The following RRP1B variants were observed in gnomAD, a reference collection of about 807,000 sequenced individuals.
RRP1B encodes the protein ribosomal RNA processing protein 1 homolog B.
RRP1B carries 56 observed loss-of-function variants against 80.2 expected under a neutral mutation model. The ratio of observed to expected loss-of-function variants is 0.70; its 90% confidence interval spans 0.56 to 0.87. The LOEUF is 0.87. Ranked by LOEUF, RRP1B falls within the 40% of genes least tolerant of loss-of-function variation. The pLI, the probability that RRP1B is intolerant of heterozygous loss-of-function variation, is 0.00. For missense variants in RRP1B, 807 were observed against 939.8 expected (o/e 0.86, Z 1.85); for synonymous variants, 351 against 357.6 (o/e 0.98, Z 0.21).
chr21:43,687,016 CT>C, intron 12 of RRP1B, 81 bp downstream of exon 12: 2 of 1,453,764 alleles, frequency 1.4e-6, no homozygotes, highest in Non-Finnish European at 1.9e-6. Flanking sequence ...GAGACTTGAG[CT>C]CGTGCCGTCA....
At chr21:43,670,020 A>G in intron 2 of RRP1B, 54 bp downstream of exon 2, 1 of 1,305,250 alleles carries the variant, frequency 7.7e-7, no homozygotes, top group Non-Finnish European at 1.1e-6. Flanking sequence ...GATGGATAAG[A>G]GACTTGATCA....
At chr21:43,674,916 C>T (rs892825527) in intron 5 of RRP1B, 118 bp from the exon 6 acceptor site, 76 of 1,360,218 alleles carry the variant, frequency 5.6e-5, no homozygotes, top group Non-Finnish European at 7.2e-5. Flanking sequence ...AAAATGATTT[C>T]AGCCTTGCAT....
chr21:43,687,202 C>T (rs561269976), intron 12 of RRP1B, among the ~76,000 whole-genome samples: 8 of 152,156 alleles, frequency 5.3e-5, no homozygotes, highest in South Asian at 4.1e-4. Flanking sequence ...CACTGGGGGG[C>T]GGCTGTTTGA....
Position 43,694,294 on chromosome 21 carries a change from G to A in RRP1B, c.*911G>A, listed in dbSNP as rs1271895378. ...GGCTGCCTGCGCATCTGGAGCCTGC[G>A]CTCCGGCTCAGCGACCTTTCCTCTC... On this transcript the variant is annotated 3_prime_UTR_variant, in exon 16 of 16. Transcript: ENST00000340648. The A allele has an allele frequency of 1.3e-5, 2 of 152,268 alleles. No homozygotes were observed. The highest frequency in any genetic ancestry group is 1.3e-4 in the Admixed American group (2 of 15,292). The allele number at this position is 152,268 out of a possible 1,614,324, so 9.4% of individuals were successfully genotyped here.
chr21:43,670,894 C>G (rs976363888), intron 2 of RRP1B, among the ~76,000 whole-genome samples: 1 of 152,214 alleles, frequency 6.6e-6, no homozygotes, highest in African/African-American at 2.4e-5. Flanking sequence ...CTTGCCACTT[C>G]TCCCGTGCTG....
rs759718325 is a variant in RRP1B, at chr21:43,673,852, G to C, written c.272-18G>C. On this transcript the variant is annotated intron_variant, in intron 3 of 15. Transcript: ENST00000340648. ...TTGATGTGGAAGCCAAGTATTTAGA[G>C]CCTTTTGTTCACTGCAGAACACCTG... 6.3e-7 allele frequency: 1 copy of C among 1,587,396 alleles called. No homozygotes were observed. Among genetic ancestry groups the C allele is most frequent in the South Asian group, 1.1e-5 (1 of 89,572 alleles).
chr21:43,665,933 C>T (rs755814136), intron 1 of RRP1B, among the ~76,000 whole-genome samples: 2 of 152,194 alleles, frequency 1.3e-5, no homozygotes, highest in East Asian at 3.8e-4. Context: ...ACTGGAAGTG[C>T]AGGAGCATTA....
At chr21:43,672,412 C>A in intron 3 of RRP1B, 47 bp downstream of exon 3, 2 of 1,503,312 alleles carry the variant, frequency 1.3e-6, no homozygotes, top group Non-Finnish European at 1.9e-6. Context: ...TTCCGACTTG[C>A]TAGTTTAATG....
rs746323090 is a variant in RRP1B at position 43,690,432 on chromosome 21, G to T, written c.2011G>T (p.Ala671Ser). 6 of 1,614,000 alleles carry T rather than the reference G, an allele frequency of 3.7e-6. No individual in the cohort carries two copies. In the Admixed American group the frequency reaches 1.0e-4, roughly 27 times the overall value. ...SSTATHPPGP[A>S]VQLNKTPSSS... ...CACTGCCACCCACCCTCCAGGCCCT[G>T]CCGTCCAGGTACGCACCCTCCCCAG... Residue 671 changes from alanine to serine, a missense_variant, in exon 14 of 16, where the codon GCC becomes TCC. Transcript: ENST00000340648.
rs1233981382 is a variant in RRP1B at position 43,695,446 on chromosome 21, G to A, written c.*2063G>A. ...AAACCATGCCTGAGAGGTCCCGGCT[G>A]GGAGTGACAGGGTGCTTCTTAGATT... is the stretch of plus-strand genomic sequence containing the variant. On this transcript the variant is annotated 3_prime_UTR_variant, in exon 16 of 16. Transcript: ENST00000340648. The A allele has an allele frequency of 1.3e-5, 2 of 152,184 alleles. No individual in the cohort carries two copies. The highest frequency in any genetic ancestry group is 2.9e-5 in the Non-Finnish European group (2 of 68,040). The allele number at this position is 152,184 out of a possible 1,614,324, so 9.4% of individuals were successfully genotyped here.
intron 11 of RRP1B, 140 bp from the exon 12 acceptor site, chr21:43,686,663 AG>A (rs1274044829): frequency 1.1e-6 from 1 of 910,670 alleles, no homozygotes; most frequent in Admixed American, 2.7e-5. Flanking sequence ...TTCCTGTGTC[AG>A]CAGCGCTCAG....
At chr21:43,674,600 T>TTC in intron 4 of RRP1B, 36 bp from the exon 5 acceptor site, 1 of 1,354,040 alleles carries the variant, frequency 7.4e-7, no homozygotes, top group Non-Finnish European at 1.0e-6. Context: ...TTTTTTTTTT[T>TTC]TTTTTTTTTT....
At chr21:43,670,815 T>G (rs1347001892) in intron 2 of RRP1B, among the ~76,000 whole-genome samples, 3 of 152,166 alleles carry the variant, frequency 2.0e-5, no homozygotes, top group Non-Finnish European at 4.4e-5. Context: ...GAGAAGTGCT[T>G]GCAAGTCTCT....
chr21:43,671,422 G>A (rs1341062243), intron 2 of RRP1B, among the ~76,000 whole-genome samples: 1 of 149,950 alleles, frequency 6.7e-6, no homozygotes, highest in Non-Finnish European at 1.5e-5. Flanking sequence ...CTGAAGTGCA[G>A]GGGTGCCATC....
At chr21:43,669,824 C>A in intron 1 of RRP1B, 60 bp from the exon 2 acceptor site, 2 of 1,265,860 alleles carry the variant, frequency 1.6e-6, no homozygotes, top group Non-Finnish European at 2.3e-6. Context: ...TCACCACTTT[C>A]TAAACTTGAA....
At chr21:43,684,301 G>T (rs1373403384) in intron 9 of RRP1B, among the ~76,000 whole-genome samples, 3 of 151,912 alleles carry the variant, frequency 2.0e-5, no homozygotes, top group Non-Finnish European at 4.4e-5. Flanking sequence ...TCGATGTCCT[G>T]ACCTTGTGAT....
intron 6 of RRP1B, among the ~76,000 whole-genome samples, chr21:43,675,433 G>A (rs532499445): frequency 1.4e-4 from 22 of 152,270 alleles, no homozygotes; most frequent in Non-Finnish European, 2.6e-4. Context: ...GAGTACTCAG[G>A]ATCTAGGGAG....
Position 43,695,073 on chromosome 21 carries a change from G to C in RRP1B, c.*1690G>C, listed in dbSNP as rs908041678. The C allele has an allele frequency of 1.5e-5, 1 of 65,760 alleles. No homozygotes were observed. Among genetic ancestry groups the C allele is most frequent in the African/African-American group, 1.4e-4 (1 of 7,162 alleles). The allele number at this position is 65,760 out of a possible 1,614,324, so 4.1% of individuals were successfully genotyped here. A position where few individuals can be genotyped will look rare whatever the true frequency, so the allele number is the denominator to read the frequency against. On this transcript the variant is annotated 3_prime_UTR_variant, in exon 16 of 16. Coordinates refer to ENST00000340648, the MANE Select transcript of RRP1B (RefSeq NM_015056.3). The stretch of plus-strand genomic sequence containing the variant: ...GAGAAGTCTTACGTACAACATAGCT[G>C]TGGTGGCTTAATGGCTGCATTAGAT...
Position 43,693,459 on chromosome 21 carries a change from C to A in RRP1B, c.*76C>A. ...AAATTATACCTTTAAGAATGTGGGG[C>A]CTTTTTTATGATTTTGTAAGTTCCC... On this transcript the variant is annotated 3_prime_UTR_variant, in exon 16 of 16. Transcript: ENST00000340648. The surrounding 1 kb of genome is among the most constrained non-coding windows in gnomAD (Gnocchi z 4.1). 1 of 1,347,690 alleles carries A rather than the reference C, an allele frequency of 7.4e-7. No individual in the cohort carries two copies. 83.5% of individuals were successfully genotyped at this position (1,347,690 alleles called of 1,614,324 possible).
Sources: allele counts gnomAD v4.1 joint callset (sites outside exome capture counted in the v4.1 genomes callset), GRCh38; gene constraint gnomAD v4.1.1; non-coding constraint Gnocchi (gnomAD v3.1); transcripts MANE v1.5; gene names NCBI Gene and HGNC (gene_info 2026-07-23, HGNC 2026-07-21).